KSR1: variants seen among roughly 807,000 people sequenced by gnomAD.
The protein encoded by KSR1 is kinase suppressor of ras 1, also known as kinase suppressor of ras.
Under a neutral mutation model 92.9 loss-of-function variants are expected in KSR1, and 35 were observed. The ratio of observed to expected loss-of-function variants is 0.38; its 90% CI spans 0.29 to 0.50. The LOEUF is 0.50. Among genes scored for constraint, KSR1 ranks in the 20% least tolerant of loss-of-function variants. The probability of loss-of-function intolerance (pLI) is 0.94; values close to 1 mark genes in which losing one functional copy is unlikely to be tolerated. For synonymous variants in KSR1, 467 were observed against 472.6 expected (o/e 0.99, Z 0.15); for missense variants, 972 against 1,158.5 (o/e 0.84, Z 2.34).
intron 1 of KSR1, among the ~76,000 whole-genome samples, chr17:27,458,191 C>G (rs2019270819): frequency 6.6e-6 from 1 of 152,032 alleles, no homozygotes; most frequent in African/African-American, 2.4e-5. Context: ...CAAACAAAAC[C>G]CCCTACAACT....
At chr17:27,549,083 G>T (rs560959187) in intron 1 of KSR1, among the ~76,000 whole-genome samples, 3 of 152,140 alleles carry the variant, frequency 2.0e-5, no homozygotes, top group Admixed American at 1.3e-4. Flanking sequence ...GAAGCGTTTC[G>T]GATTTTGGGT....
chr17:27,523,785 A>G (rs2070137411), intron 1 of KSR1, among the ~76,000 whole-genome samples: 1 of 152,240 alleles, frequency 6.6e-6, no homozygotes, highest in Non-Finnish European at 1.5e-5. Flanking sequence ...CAGCTTTCAC[A>G]TCAGCTTTCC....
rs1567732548 is a variant in KSR1, at chr17:27,459,389, A to G, written c.231+2515A>G. Among the ~76,000 whole-genome samples the G allele has an allele frequency of 6.6e-6, 1 of 152,248 alleles. No homozygotes were observed. Among genetic ancestry groups the G allele is most frequent in the Non-Finnish European group, 1.5e-5 (1 of 68,040 alleles). On this transcript the variant is annotated intron_variant, in intron 1 of 20. Transcript: ENST00000644974. The surrounding 1 kb of genome is among the most constrained non-coding windows in gnomAD (Gnocchi z 4.6). The stretch of plus-strand genomic sequence containing the variant: ...ACTTAACCCCCTACTTTATGGGTTC[A>G]GTAAATCTGGATTTTAGGGAAAGGT...
intron 1 of KSR1, among the ~76,000 whole-genome samples, chr17:27,465,974 G>A (rs547931700): frequency 1.3e-5 from 2 of 152,224 alleles, no homozygotes; most frequent in Non-Finnish European, 2.9e-5. Flanking sequence ...CAGCCTTTCT[G>A]TATCTCACTG....
At chr17:27,610,776 T>G (rs1192689666) in intron 17 of KSR1, among the ~76,000 whole-genome samples, 2 of 152,236 alleles carry the variant, frequency 1.3e-5, no homozygotes, top group Non-Finnish European at 2.9e-5. Flanking sequence ...ATGTAATCAA[T>G]ATACAAATTA....
chr17:27,511,452 A>AG (rs2069598087), intron 1 of KSR1, among the ~76,000 whole-genome samples: 1 of 152,066 alleles, frequency 6.6e-6, no homozygotes, highest in Admixed American at 6.5e-5. Flanking sequence ...GAAGGTAGGG[A>AG]GGGGGAGCAT....
intron 1 of KSR1, among the ~76,000 whole-genome samples, chr17:27,503,965 G>A (rs2069284577): frequency 6.6e-6 from 1 of 152,216 alleles, no homozygotes; most frequent in Non-Finnish European, 1.5e-5. Context: ...AATCCTGACA[G>A]ATGTACTCTA....
chr17:27,479,517 C>T (rs889610276), intron 1 of KSR1, among the ~76,000 whole-genome samples: 2 of 152,018 alleles, frequency 1.3e-5, no homozygotes, highest in South Asian at 2.1e-4. Flanking sequence ...AGGAAGGTGC[C>T]GCTCCTAGTG....
Position 27,600,759 on chromosome 17 carries a change from G to T in KSR1, c.1469-601G>T, listed in dbSNP as rs1269942521. Among the ~76,000 whole-genome samples, 3 of 152,194 alleles carry T rather than the reference G, an allele frequency of 2.0e-5. No individual in the cohort carries two copies. The East Asian group carries it at 5.8e-4, about 29-fold the overall frequency. ...CCCTTGTTGACCAAAACAACATTCT[G>T]TGGCACATGACTGTATTTACACCCC... On this transcript the variant is annotated intron_variant, in intron 10 of 20. Transcript: ENST00000644974.
At chr17:27,516,556 A>G (rs546003265) in intron 1 of KSR1, among the ~76,000 whole-genome samples, 3 of 142,802 alleles carry the variant, frequency 2.1e-5, no homozygotes, top group African/African-American at 5.3e-5. Flanking sequence ...TCTTCCTTCC[A>G]TCATTTTCAT....
chr17:27,611,719 A>C, intron 18 of KSR1, 90 bp downstream of exon 18: 1 of 1,518,076 alleles, frequency 6.6e-7, no homozygotes, highest in Non-Finnish European at 9.0e-7. Context: ...CACCTGAGAA[A>C]TGGGGTCGGT....
At chr17:27,566,356 C>T in intron 2 of KSR1, 1 of 398,136 alleles carries the variant, frequency 2.5e-6, no homozygotes, top group Non-Finnish European at 4.4e-6. Context: ...CTGTTCACTA[C>T]AGTCATGAAA....
chr17:27,479,749 C>G (rs529978459), intron 1 of KSR1, among the ~76,000 whole-genome samples: 1 of 152,114 alleles, frequency 6.6e-6, no homozygotes, highest in Middle Eastern at 3.2e-3. Flanking sequence ...GCCTCAAGCA[C>G]GGGAGAGAAT....
intron 2 of KSR1, among the ~76,000 whole-genome samples, chr17:27,551,563 T>C (rs1428462245): frequency 6.6e-6 from 1 of 152,212 alleles, no homozygotes; most frequent in African/African-American, 2.4e-5. Flanking sequence ...AAGGTCTTTT[T>C]TTTTTTCCTT....
intron 17 of KSR1, among the ~76,000 whole-genome samples, chr17:27,610,707 T>C (rs2073891214): frequency 6.6e-6 from 1 of 152,262 alleles, no homozygotes; most frequent in Non-Finnish European, 1.5e-5. Context: ...GTTTATGTTT[T>C]ATATATTATA....
At chr17:27,596,109 C>T (rs886943651) in intron 9 of KSR1, among the ~76,000 whole-genome samples, 4 of 152,192 alleles carry the variant, frequency 2.6e-5, no homozygotes, top group African/African-American at 4.8e-5. Context: ...TCATCACTAT[C>T]GTAATTGGAA....
intron 5 of KSR1, chr17:27,587,644 T>C (rs2151182092): frequency 6.6e-6 from 1 of 152,470 alleles, no homozygotes; most frequent in African/African-American, 2.4e-5. Context: ...ATGGGCTGGC[T>C]CTGGGAGGCA....
chr17:27,621,055 C>T (rs371993475), intron 19 of KSR1, 138 bp from the exon 20 acceptor site: 15 of 396,548 alleles, frequency 3.8e-5, no homozygotes, highest in East Asian at 7.1e-5. Flanking sequence ...CGGGGGGTGG[C>T]GGATGTGCTG....
chr17:27,509,389 C>T (rs2069513469), intron 1 of KSR1, among the ~76,000 whole-genome samples: 1 of 151,944 alleles, frequency 6.6e-6, no homozygotes, highest in Non-Finnish European at 1.5e-5. Flanking sequence ...CTCCCGGGTT[C>T]ACGCCATTCT....
Sources: allele counts gnomAD v4.1 joint callset (sites outside exome capture counted in the v4.1 genomes callset), GRCh38; gene constraint gnomAD v4.1.1; non-coding constraint Gnocchi (gnomAD v3.1); transcripts MANE v1.5; gene names NCBI Gene and HGNC (gene_info 2026-07-23, HGNC 2026-07-21).